The following CCDC91 variants were observed in gnomAD, a reference collection of about 807,000 sequenced individuals.
CCDC91 encodes the protein coiled-coil domain-containing protein 91.
CCDC91 carries 48 observed loss-of-function variants against 63.2 expected under a neutral mutation model. The ratio of observed to expected loss-of-function variants is 0.76; its 90% CI spans 0.60 to 0.97. The LOEUF (loss-of-function observed/expected upper bound fraction) is 0.97, where lower values mean the gene tolerates loss of function less well. Among genes scored for constraint, CCDC91 ranks in the 50% least tolerant of loss-of-function variants. The probability of loss-of-function intolerance (pLI) is 0.00; values close to 1 mark genes in which losing one functional copy is unlikely to be tolerated. For missense variants in CCDC91, 500 were observed against 494.6 expected (o/e 1.01, Z -0.10); for synonymous variants, 167 against 165.8 (o/e 1.01, Z -0.06).
intron 1 of CCDC91, among the ~76,000 whole-genome samples, chr12:28,250,237 GAC>G (rs1946031757): frequency 6.6e-6 from 1 of 152,104 alleles, no homozygotes; most frequent in Non-Finnish European, 1.5e-5. Context: ...GGTTGGTAAA[GAC>G]AGACTTAATT....
intron 7 of CCDC91, among the ~76,000 whole-genome samples, chr12:28,373,146 T>C (rs1242083822): frequency 1.3e-5 from 2 of 152,246 alleles, no homozygotes; most frequent in African/African-American, 2.4e-5. Flanking sequence ...TCGTTGATTT[T>C]AGTACTTTGA....
intron 7 of CCDC91, among the ~76,000 whole-genome samples, chr12:28,380,282 C>G (rs1246870094): frequency 1.3e-5 from 2 of 151,930 alleles, no homozygotes; most frequent in Non-Finnish European, 2.9e-5. Flanking sequence ...ATGTATCAAA[C>G]CTGTACCTTG....
In CCDC91 at chr12:28,391,381, A is replaced by C; in HGVS notation, c.732A>C (p.Ala244=). The change falls in exon 8 of 13, where the codon GCA becomes GCC. Residue 244 remains alanine, a synonymous_variant. Coordinates refer to ENST00000536442, the MANE Select transcript of CCDC91 (RefSeq NM_018318.5). ...KQYISAIEKQ[A]HKCEELLNAQ... is the part of the protein sequence containing the mutation. Reference sequence around the variant, plus strand: ...ACATTTCTGCAATTGAGAAACAGGCACACAAGTGTGAGGAGTTGCTAAATG... The same window carrying C: ...ACATTTCTGCAATTGAGAAACAGGCCCACAAGTGTGAGGAGTTGCTAAATG... The C allele has an allele frequency of 6.2e-7, 1 of 1,612,056 alleles. No homozygotes were observed. Among genetic ancestry groups the C allele is most frequent in the Non-Finnish European group, 8.5e-7 (1 of 1,178,260 alleles).
At chr12:28,471,930 T>C (rs892740837) in intron 11 of CCDC91, among the ~76,000 whole-genome samples, 3 of 152,112 alleles carry the variant, frequency 2.0e-5, no homozygotes, top group Admixed American at 1.3e-4. Flanking sequence ...TTTGAATTTT[T>C]AGTAGAGATG....
rs187275590 is a variant in CCDC91 at position 28,349,397 on chromosome 12, C to T, written c.577-13041C>T. 2.1e-3 allele frequency among the ~76,000 whole-genome samples: 314 copies of T among 152,246 alleles called. 3 individuals carry two copies. The highest frequency in any genetic ancestry group is 7.0e-3 in the African/African-American group (289 of 41,540). On this transcript the variant is annotated intron_variant, in intron 6 of 12. Coordinates refer to ENST00000536442, the MANE Select transcript of CCDC91 (RefSeq NM_018318.5). ...AGACTTGACTGTATAGTTATAATGA[C>T]GAGGCTGTTTATTGTCAGCCCTCTC...
Position 28,275,683 on chromosome 12 carries a change from G to T in CCDC91, c.109+16241G>T, listed in dbSNP as rs188775692. ...GACACAACAAAAAAAGAGAATTTTA[G>T]ACCAATATCCCTGATGAACACCGAT... is the stretch of plus-strand genomic sequence containing the variant. On this transcript the variant is annotated intron_variant, in intron 3 of 12. Transcript: ENST00000536442. 3.9e-5 allele frequency among the ~76,000 whole-genome samples: 6 copies of T among 152,164 alleles called. No individual in the cohort carries two copies. The East Asian group carries it at 1.2e-3, about 29-fold the overall frequency.
chr12:28,480,976 A>G (rs1951415302), intron 11 of CCDC91, among the ~76,000 whole-genome samples: 1 of 152,032 alleles, frequency 6.6e-6, no homozygotes, highest in African/African-American at 2.4e-5. Flanking sequence ...GAGAAATTAT[A>G]ACATCTTATG....
chr12:28,259,462 AGG>A lies in CCDC91; in HGVS notation c.109+22_109+23del, dbSNP rs202223182. The A allele has an allele frequency of 1.8e-5, 19 of 1,060,752 alleles. No homozygotes were observed. The highest frequency in any genetic ancestry group is 4.4e-5 in the South Asian group (3 of 67,420). The allele number at this position is 1,060,752 out of a possible 1,614,324, so 65.7% of individuals were successfully genotyped here. On this transcript the variant is annotated intron_variant, in intron 3 of 12. Coordinates refer to ENST00000536442, the MANE Select transcript of CCDC91 (RefSeq NM_018318.5). ...CTGCAGGTATTGGTATCCAGGAATT[AGG>A]GTTTTTTTTTTTTTTTTTCCCATGT...
At chr12:28,515,288 A>G (rs551225907) in intron 12 of CCDC91, among the ~76,000 whole-genome samples, 1 of 151,910 alleles carries the variant, frequency 6.6e-6, no homozygotes, top group South Asian at 2.1e-4. Context: ...CCCATTAGCT[A>G]AAGCTTTCAT....
At chr12:28,367,996 C>G (rs1318964895) in intron 7 of CCDC91, among the ~76,000 whole-genome samples, 13 of 152,152 alleles carry the variant, frequency 8.5e-5, no homozygotes, top group Non-Finnish European at 1.9e-4. Flanking sequence ...AGCCTGTCAG[C>G]CTTGTTTGCA....
At chr12:28,258,841 G>A (rs1305321473) in intron 2 of CCDC91, among the ~76,000 whole-genome samples, 1 of 151,876 alleles carries the variant, frequency 6.6e-6, no homozygotes, top group Non-Finnish European at 1.5e-5. Flanking sequence ...AAAATAGGAC[G>A]GCTTGTTAAT....
chr12:28,294,165 A>G (rs35868751), intron 3 of CCDC91, among the ~76,000 whole-genome samples: 63 of 152,236 alleles, frequency 4.1e-4, no homozygotes, highest in Admixed American at 1.1e-3. Flanking sequence ...AAATAAGTTG[A>G]CACACACACA....
intron 1 of CCDC91, among the ~76,000 whole-genome samples, chr12:28,205,878 G>T (rs191353266): frequency 8.6e-4 from 131 of 152,290 alleles, no homozygotes; most frequent in Non-Finnish European, 3.7e-4. Context: ...TGCTTTAGCA[G>T]TTCTCCCCTT....
intron 3 of CCDC91, among the ~76,000 whole-genome samples, chr12:28,266,325 T>A (rs1234971055): frequency 6.6e-6 from 1 of 152,056 alleles, no homozygotes; most frequent in Non-Finnish European, 1.5e-5. Context: ...ACTATGTAAC[T>A]TCTGTGAATC....
chr12:28,267,432 C>A (rs890575087), intron 3 of CCDC91, among the ~76,000 whole-genome samples: 1 of 150,684 alleles, frequency 6.6e-6, no homozygotes, highest in African/African-American at 2.4e-5. Flanking sequence ...TCAGTTCTTG[C>A]CGTTACAAAC....
At chr12:28,209,022 G>A (rs1226705617) in intron 1 of CCDC91, among the ~76,000 whole-genome samples, 5 of 151,808 alleles carry the variant, frequency 3.3e-5, no homozygotes, top group African/African-American at 7.3e-5. Flanking sequence ...TAGCCAGGAT[G>A]GTCTTGATCT....
At chr12:28,277,787 A>T (rs1397007750) in intron 3 of CCDC91, among the ~76,000 whole-genome samples, 3 of 151,896 alleles carry the variant, frequency 2.0e-5, no homozygotes, top group Non-Finnish European at 4.4e-5. Flanking sequence ...TGGTTTCCAA[A>T]ATAATTTTTA....
chr12:28,235,938 C>T (rs1944919277), intron 1 of CCDC91, among the ~76,000 whole-genome samples: 1 of 151,900 alleles, frequency 6.6e-6, no homozygotes, highest in Non-Finnish European at 1.5e-5. Context: ...AACATTTTGT[C>T]AGTGACACAA....
At chr12:28,251,928 T>G (rs1430320394) in intron 1 of CCDC91, among the ~76,000 whole-genome samples, 2 of 152,142 alleles carry the variant, frequency 1.3e-5, no homozygotes, top group African/African-American at 2.4e-5. Context: ...TGTCTTTTTC[T>G]TTCTTGTCTT....
Sources: allele counts gnomAD v4.1 joint callset (sites outside exome capture counted in the v4.1 genomes callset), GRCh38; gene constraint gnomAD v4.1.1; transcripts MANE v1.5; gene names NCBI Gene and HGNC (gene_info 2026-07-23, HGNC 2026-07-21).